Variants in ITGAV observed in about 807,000 individuals in gnomAD.
ITGAV encodes integrin alpha-V.
A neutral mutation model predicts 143.8 loss-of-function variants in ITGAV; 76 were observed. That is an observed-to-expected ratio of 0.53 (90% confidence interval 0.44 to 0.64). ITGAV has a LOEUF of 0.64. Ranked by LOEUF, ITGAV falls within the 30% of genes least tolerant of loss-of-function variation. ITGAV has a pLI of 0.00. For missense variants in ITGAV, 1,193 were observed against 1,274.7 expected, an observed-to-expected ratio of 0.94 and a Z score of 0.98; for synonymous variants, 453 against 446.7, an observed-to-expected ratio of 1.01 and a Z score of -0.18.
intron 26 of ITGAV, among the ~76,000 whole-genome samples, chr2:186,674,826 C>T (rs545578064): frequency 6.6e-6 from 1 of 152,170 alleles, no homozygotes; most frequent in South Asian, 2.1e-4. Flanking sequence ...TTTTTCTTAC[C>T]TAATTGCACT....
chr2:186,595,123 A>G (rs1490166581), intron 1 of ITGAV, among the ~76,000 whole-genome samples: 1 of 152,262 alleles, frequency 6.6e-6, no homozygotes, highest in African/African-American at 2.4e-5. Context: ...CTTTGAAATA[A>G]CATTCAGTAC....
intron 8 of ITGAV, 64 bp downstream of exon 8, chr2:186,637,173 G>A (rs1687967594): frequency 1.4e-6 from 2 of 1,413,770 alleles, no homozygotes; most frequent in Admixed American, 3.4e-5. Flanking sequence ...GAAACATGTG[G>A]CATTGAAAAT....
intron 14 of ITGAV, among the ~76,000 whole-genome samples, 187 bp from the exon 15 acceptor site, chr2:186,651,795 G>C (rs1688439658): frequency 6.6e-6 from 1 of 152,172 alleles, no homozygotes; most frequent in Non-Finnish European, 1.5e-5. Flanking sequence ...CTAAAATTAG[G>C]ACAGTTCTGG....
At chr2:186,677,005 A>G (rs1574508591) in intron 29 of ITGAV, 70 bp downstream of exon 29, 1 of 1,518,590 alleles carries the variant, frequency 6.6e-7, no homozygotes. Context: ...AAGGAAAAGA[A>G]GAATGAAAAG....
chr2:186,673,300 C>G (rs1001063517), intron 26 of ITGAV, among the ~76,000 whole-genome samples: 1 of 152,146 alleles, frequency 6.6e-6, no homozygotes, highest in Non-Finnish European at 1.5e-5. Context: ...ATACAAGTAA[C>G]AAATTGTTTT....
intron 1 of ITGAV, among the ~76,000 whole-genome samples, chr2:186,596,457 T>C (rs1305935796): frequency 2.0e-5 from 3 of 151,754 alleles, no homozygotes; most frequent in Non-Finnish European, 4.4e-5. Context: ...TGTTGCTTTT[T>C]TTTTTTTTTT....
chr2:186,657,135 T>A (rs921217982), intron 17 of ITGAV, among the ~76,000 whole-genome samples: 1 of 152,074 alleles, frequency 6.6e-6, no homozygotes, highest in African/African-American at 2.4e-5. Flanking sequence ...TGGCTCAAGC[T>A]TATAATCTTG....
intron 2 of ITGAV, among the ~76,000 whole-genome samples, chr2:186,603,603 A>G (rs182873987): frequency 1.8e-3 from 279 of 152,316 alleles, no homozygotes; most frequent in Middle Eastern, 6.8e-3. Flanking sequence ...AGAATATGAT[A>G]GTTTTAGGGC....
chr2:186,620,554 G>A (rs1177563617), intron 2 of ITGAV, among the ~76,000 whole-genome samples: 1 of 152,100 alleles, frequency 6.6e-6, no homozygotes, highest in Non-Finnish European at 1.5e-5. Context: ...CTTGAGCTCA[G>A]GAGGTCAAGA....
Position 186,651,996 on chromosome 2 carries a change from T to A in ITGAV, c.1412T>A (p.Ile471Asn), listed in dbSNP as rs201241523. The change falls in exon 15 of 30, where the codon ATC becomes AAC. Residue 471 changes from isoleucine to asparagine, a missense_variant. By Grantham distance (149) the Ile-to-Asn change is moderately radical. Transcript: ENST00000261023. ...RAILYRARPV[I>N]TVNAGLEVYP... is the part of the protein sequence containing the mutation. ...TCCCCCGCTAGGGCCAGACCAGTTA[T>A]CACTGTAAATGCTGGTCTTGAAGTG... 1 of 1,609,644 alleles carries A rather than the reference T, an allele frequency of 6.2e-7. No individual in the cohort carries two copies. Among genetic ancestry groups the A allele is most frequent in the Non-Finnish European group, 8.5e-7 (1 of 1,176,428 alleles).
intron 2 of ITGAV, among the ~76,000 whole-genome samples, chr2:186,607,217 T>C (rs1459423854): frequency 1.3e-5 from 2 of 152,214 alleles, no homozygotes; most frequent in Non-Finnish European, 2.9e-5. Context: ...GAACAGATTT[T>C]AGTGCTTAAA....
intron 29 of ITGAV, 96 bp from the exon 30 acceptor site, chr2:186,677,101 A>G (rs1468301409): frequency 1.4e-5 from 18 of 1,267,554 alleles, no homozygotes; most frequent in Admixed American, 4.1e-5. Flanking sequence ...ATGAAATACA[A>G]TTTAAATGTT....
chr2:186,619,006 T>C (rs1273334519), intron 2 of ITGAV, among the ~76,000 whole-genome samples: 1 of 152,096 alleles, frequency 6.6e-6, no homozygotes, highest in Admixed American at 6.5e-5. Flanking sequence ...TCAGTTCAGG[T>C]GTCTAACAAC....
intron 9 of ITGAV, 42 bp from the exon 10 acceptor site, chr2:186,638,367 C>A: frequency 6.2e-7 from 1 of 1,606,220 alleles, no homozygotes; most frequent in Non-Finnish European, 8.5e-7. Flanking sequence ...AAGTTATCTT[C>A]TATTTTACCA....
At chr2:186,610,773 TG>T (rs771686669) in intron 2 of ITGAV, among the ~76,000 whole-genome samples, 8 of 152,190 alleles carry the variant, frequency 5.3e-5, no homozygotes, top group Non-Finnish European at 4.4e-5. Context: ...CACAAGTGGA[TG>T]ATTTAGTTTA....
At chr2:186,654,627 G>A (rs200143590) in intron 15 of ITGAV, 23 bp from the exon 16 acceptor site, 31 of 1,265,250 alleles carry the variant, frequency 2.5e-5, no homozygotes, top group Middle Eastern at 1.9e-4. Flanking sequence ...TAGAATTTAT[G>A]TATGTTTTTT....
At position 186,630,815 on chromosome 2, in the gene ITGAV, G is replaced by T; in HGVS notation, c.542G>T (p.Gly181Val). ...ATTTTAGAAGATATTGATGCTGATG[G>T]ACAGGGATTTTGTCAAGGAGGATTC... is the stretch of plus-strand genomic sequence containing the variant. ...PCRSQDIDAD[G>V]QGFCQGGFSI... Residue 181 changes from glycine to valine, a missense_variant, in exon 5 of 30, where the codon GGA becomes GTA. Gly to Val is a moderately radical substitution (Grantham distance 109). Transcript: ENST00000261023. 6.3e-7 allele frequency: 1 copy of T among 1,584,444 alleles called. No homozygotes were observed. Among genetic ancestry groups the T allele is most frequent in the South Asian group, 1.1e-5 (1 of 89,658 alleles).
intron 25 of ITGAV, 52 bp from the exon 26 acceptor site, chr2:186,669,648 TA>T: frequency 8.1e-7 from 1 of 1,227,302 alleles, no homozygotes; most frequent in Non-Finnish European, 1.2e-6. Context: ...AATGCTGATG[TA>T]AAATGTTTTT....
At chr2:186,651,260 AT>A (rs1384519623) in intron 14 of ITGAV, among the ~76,000 whole-genome samples, 3 of 152,200 alleles carry the variant, frequency 2.0e-5, no homozygotes, top group Non-Finnish European at 4.4e-5. Context: ...TACTTAACAG[AT>A]TTCAGATCTT....
Sources: allele counts gnomAD v4.1 joint callset (sites outside exome capture counted in the v4.1 genomes callset), GRCh38; gene constraint gnomAD v4.1.1; transcripts MANE v1.5; gene names NCBI Gene and HGNC (gene_info 2026-07-23, HGNC 2026-07-21).